SLC7A1: variants seen among roughly 807,000 people sequenced by gnomAD.
SLC7A1 encodes solute carrier family 7 member 1, also known as high affinity cationic amino acid transporter 1.
Under a neutral mutation model 53.9 loss-of-function variants are expected in SLC7A1, and 10 were observed. The observed-to-expected ratio is 0.19, with a 90% CI of 0.11 to 0.31. SLC7A1 has a LOEUF of 0.31. Ranked by LOEUF, SLC7A1 falls within the 10% of genes least tolerant of loss-of-function variation. The pLI is 1.00. For synonymous variants in SLC7A1, 342 were observed against 338.7 expected (o/e 1.01, Z -0.11); for missense variants, 525 against 827.2 (o/e 0.63, Z 4.48).
intron 2 of SLC7A1, among the ~76,000 whole-genome samples, chr13:29,552,277 T>C (rs1436965246): frequency 1.3e-5 from 2 of 151,338 alleles, no homozygotes; most frequent in Non-Finnish European, 2.9e-5. Flanking sequence ...ACACTTTCCC[T>C]CAACTGAAGA....
rs1175770294 is a variant in SLC7A1, at chr13:29,511,299, C to A, written c.*3181G>T. The A allele has an allele frequency of 6.6e-6, 1 of 152,230 alleles. No individual in the cohort carries two copies. The highest frequency in any genetic ancestry group is 2.4e-5 in the African/African-American group (1 of 41,440). 9.4% of individuals were successfully genotyped at this position (152,230 alleles called of 1,614,324 possible). A position where few individuals can be genotyped will look rare whatever the true frequency, so the allele number is the denominator to read the frequency against. ...GCACAAGGGACCAGGTGGCTGGCTG[C>A]CTGAGAGAGAAAATAAGTCACAGTG... On this transcript the variant is annotated 3_prime_UTR_variant, in exon 13 of 13. Coordinates refer to ENST00000380752, the MANE Select transcript of SLC7A1 (RefSeq NM_003045.5).
intron 8 of SLC7A1, among the ~76,000 whole-genome samples, chr13:29,521,565 G>A (rs962409379): frequency 6.6e-6 from 1 of 152,148 alleles, no homozygotes; most frequent in Admixed American, 6.5e-5. Context: ...TTGGGGCTAC[G>A]AAATGCAATT....
chr13:29,548,015 A>G (rs1046055480), intron 2 of SLC7A1, among the ~76,000 whole-genome samples: 8 of 152,330 alleles, frequency 5.3e-5, no homozygotes, highest in East Asian at 1.9e-4. Context: ...GTTGAGCCCT[A>G]TGAAACTGTC....
chr13:29,570,466 C>A (rs989139875), intron 1 of SLC7A1, among the ~76,000 whole-genome samples: 1 of 152,144 alleles, frequency 6.6e-6, no homozygotes, highest in Non-Finnish European at 1.5e-5. Context: ...CACCCACACC[C>A]GCCCCCCTAC....
rs977237132 is a variant in SLC7A1 at position 29,514,296 on chromosome 13, C to T, written c.*184G>A. 22 of 594,092 alleles carry T rather than the reference C, an allele frequency of 3.7e-5. No individual in the cohort carries two copies. The highest frequency in any genetic ancestry group is 7.4e-5 in the African/African-American group (4 of 53,912). The allele number at this position is 594,092 out of a possible 1,614,324, so 36.8% of individuals were successfully genotyped here. A position where few individuals can be genotyped will look rare whatever the true frequency, so the allele number is the denominator to read the frequency against. On this transcript the variant is annotated 3_prime_UTR_variant, in exon 13 of 13. Transcript: ENST00000380752. ...CAGCTGTCTGGAGGTGACCAGGGCC[C>T]GGAGAACCGGCTGCAGAGCCGAGGG...
intron 1 of SLC7A1, among the ~76,000 whole-genome samples, chr13:29,567,165 A>G (rs1871002330): frequency 6.6e-6 from 1 of 152,194 alleles, no homozygotes; most frequent in African/African-American, 2.4e-5. Flanking sequence ...TTTAATACGC[A>G]GCTTAAATAT....
intron 2 of SLC7A1, among the ~76,000 whole-genome samples, chr13:29,552,224 C>T (rs1443428536): frequency 9.7e-5 from 2 of 20,672 alleles, no homozygotes; most frequent in Non-Finnish European, 9.5e-4. Context: ...AGGGTCATTA[C>T]ACACACACAC....
intron 1 of SLC7A1, among the ~76,000 whole-genome samples, chr13:29,582,675 C>T (rs1181312207): frequency 1.3e-5 from 2 of 152,160 alleles, no homozygotes; most frequent in African/African-American, 4.8e-5. Flanking sequence ...TCTCAGACCC[C>T]CTCCCTGAGC....
intron 1 of SLC7A1, among the ~76,000 whole-genome samples, chr13:29,556,219 T>C (rs1014338566): frequency 6.6e-6 from 1 of 151,910 alleles, no homozygotes. Context: ...TTAAAGACAC[T>C]GGCAAATATG....
chr13:29,592,073 A>G (rs992489722), intron 1 of SLC7A1, among the ~76,000 whole-genome samples: 2 of 152,228 alleles, frequency 1.3e-5, no homozygotes, highest in African/African-American at 4.8e-5. Context: ...AAGCAAAGCC[A>G]GAGAAGCCAG....
chr13:29,587,312 G>A (rs932135921), intron 1 of SLC7A1, among the ~76,000 whole-genome samples: 1 of 152,174 alleles, frequency 6.6e-6, no homozygotes, highest in African/African-American at 2.4e-5. Context: ...CTGTTATGGC[G>A]AATGGACCAC....
intron 6 of SLC7A1, 95 bp from the exon 7 acceptor site, chr13:29,523,583 A>C (rs1209771242): frequency 1.1e-6 from 1 of 886,578 alleles, no homozygotes; most frequent in Non-Finnish European, 1.8e-6. Flanking sequence ...CCCGGAACCC[A>C]CGTGACCCTA....
At chr13:29,567,122 G>A (rs1228529125) in intron 1 of SLC7A1, among the ~76,000 whole-genome samples, 1 of 152,170 alleles carries the variant, frequency 6.6e-6, no homozygotes, top group African/African-American at 2.4e-5. Flanking sequence ...TCATCTTCTG[G>A]TGTTCTGTTA....
intron 2 of SLC7A1, among the ~76,000 whole-genome samples, chr13:29,549,123 C>T (rs867946298): frequency 6.6e-6 from 1 of 152,166 alleles, no homozygotes; most frequent in Admixed American, 6.5e-5. Context: ...TTACGTGGAG[C>T]GGACGTGCTA....
At chr13:29,594,241 A>C (rs539658565) in intron 1 of SLC7A1, among the ~76,000 whole-genome samples, 292 of 152,398 alleles carry the variant, frequency 1.9e-3, no homozygotes, top group Middle Eastern at 0.01. Flanking sequence ...ACACAATTCT[A>C]CTAGTCGAAT....
chr13:29,580,936 G>A (rs73454222), intron 1 of SLC7A1, among the ~76,000 whole-genome samples: 2,932 of 151,798 alleles, frequency 0.019, 89 homozygotes, highest in African/African-American at 0.066. Flanking sequence ...TCTATCCCCT[G>A]AACCCCACAT....
intron 1 of SLC7A1, among the ~76,000 whole-genome samples, chr13:29,574,745 C>T (rs9314961): frequency 0.066 from 9,929 of 150,232 alleles, 403 homozygotes; most frequent in Middle Eastern, 0.17. Flanking sequence ...CCTGGGTTCA[C>T]GCCATTCCCC....
At chr13:29,541,757 C>A (rs1360298855) in intron 2 of SLC7A1, among the ~76,000 whole-genome samples, 1 of 151,706 alleles carries the variant, frequency 6.6e-6, no homozygotes, top group Non-Finnish European at 1.5e-5. Flanking sequence ...TGAGAAAAAC[C>A]CTTCCCGTCC....
chr13:29,532,539 A>T (rs769601401), intron 4 of SLC7A1, among the ~76,000 whole-genome samples: 9 of 152,254 alleles, frequency 5.9e-5, no homozygotes, highest in Admixed American at 1.3e-4. Context: ...CCTGCAGTGC[A>T]GACAAAATCT....
Sources: allele counts gnomAD v4.1 joint callset (sites outside exome capture counted in the v4.1 genomes callset), GRCh38; gene constraint gnomAD v4.1.1; transcripts MANE v1.5; gene names NCBI Gene and HGNC (gene_info 2026-07-23, HGNC 2026-07-21).